The following ESR1 variants were observed in gnomAD, a reference collection of about 807,000 sequenced individuals.
ESR1 encodes estrogen receptor 1, also known as estrogen receptor.
ESR1 carries 12 observed loss-of-function variants against 52.7 expected under a neutral mutation model. That is an observed-to-expected ratio of 0.23 (90% CI 0.15 to 0.37). ESR1 has a LOEUF of 0.37. Ranked by LOEUF, ESR1 falls within the 10% of genes least tolerant of loss-of-function variation. ESR1 has a pLI of 1.00. For synonymous variants in ESR1, 305 were observed against 316.8 expected, an observed-to-expected ratio of 0.96 and a Z score of 0.39; for missense variants, 584 against 779.7, an observed-to-expected ratio of 0.75 and a Z score of 2.99.
chr6:151,677,740 C>T (rs1778300437), intron 1 of ESR1, among the ~76,000 whole-genome samples: 2 of 152,186 alleles, frequency 1.3e-5, no homozygotes, highest in Admixed American at 6.5e-5. Flanking sequence ...ATGAACACGG[C>T]TTTTTTTCCT....
intron 4 of ESR1, among the ~76,000 whole-genome samples, chr6:151,953,710 C>CT (rs1279344218): frequency 2.0e-5 from 3 of 148,762 alleles, no homozygotes; most frequent in African/African-American, 7.5e-5. Context: ...GAGACTCCGT[C>CT]TAAAAAAAAA....
chr6:152,044,616 A>G (rs1363410618), intron 5 of ESR1, among the ~76,000 whole-genome samples: 1 of 152,208 alleles, frequency 6.6e-6, no homozygotes, highest in Admixed American at 6.5e-5. Flanking sequence ...CTGGCAAACC[A>G]CTGGTGTAGG....
At chr6:151,916,868 C>T (rs1210712071) in intron 3 of ESR1, among the ~76,000 whole-genome samples, 1 of 152,202 alleles carries the variant, frequency 6.6e-6, no homozygotes. Context: ...TTTAAGGTGA[C>T]AGAGTTCACA....
At position 152,031,416 on chromosome 6, in the gene ESR1, A is replaced by G. The variant is rs555352941; in HGVS notation, c.1235+19622A>G. 1.6e-4 allele frequency among the ~76,000 whole-genome samples: 25 copies of G among 152,302 alleles called. 1 individual carries two copies. In the South Asian group the frequency reaches 5.2e-3, roughly 32 times the overall value. On this transcript the variant is annotated intron_variant, in intron 5 of 7. Transcript: ENST00000206249. ...GCATGACTAATAAAGAAGAAAAGAG[A>G]GAAGAATCAAATAGATGCAATAAAA...
intron 3 of ESR1, among the ~76,000 whole-genome samples, chr6:151,902,031 T>C (rs1266356286): frequency 6.6e-6 from 1 of 152,232 alleles, no homozygotes; most frequent in Non-Finnish European, 1.5e-5. Flanking sequence ...TTTGAAAATT[T>C]TACATAACAA....
At chr6:151,760,331 A>T (rs1784577371) in intron 2 of ESR1, among the ~76,000 whole-genome samples, 1 of 152,232 alleles carries the variant, frequency 6.6e-6, no homozygotes, top group African/African-American at 2.4e-5. Context: ...AAGGCATTGT[A>T]GTTGGTGGAA....
chr6:151,864,762 A>C (rs1789545977), intron 2 of ESR1, among the ~76,000 whole-genome samples: 2 of 152,182 alleles, frequency 1.3e-5, no homozygotes, highest in Non-Finnish European at 2.9e-5. Context: ...GCAGCCATAA[A>C]AAAGGATGAG....
intron 3 of ESR1, among the ~76,000 whole-genome samples, chr6:151,935,739 A>T (rs375282012): frequency 6.6e-6 from 1 of 152,230 alleles, no homozygotes; most frequent in Non-Finnish European, 1.5e-5. Context: ...ACAGATTTCA[A>T]TATTTTCCAA....
At chr6:151,687,104 A>C (rs1458193293), upstream of ESR1, among the ~76,000 whole-genome samples, 1 of 152,170 alleles carries the variant, frequency 6.6e-6, no homozygotes, top group Non-Finnish European at 1.5e-5. Context: ...CAGAGCTTGA[A>C]TGATTGGTCC....
intron 1 of ESR1, among the ~76,000 whole-genome samples, chr6:151,678,959 A>G (rs1056860888): frequency 1.3e-5 from 2 of 152,180 alleles, no homozygotes; most frequent in African/African-American, 4.8e-5. Flanking sequence ...TGCTGGAATT[A>G]CAGGCATGAG....
chr6:151,772,775 G>T (rs1454572786), intron 2 of ESR1, among the ~76,000 whole-genome samples: 1 of 152,138 alleles, frequency 6.6e-6, no homozygotes, highest in Non-Finnish European at 1.5e-5. Flanking sequence ...AATGCTAAAG[G>T]ACTGCTCCAC....
chr6:151,782,392 A>AT (rs1786630340), intron 2 of ESR1, among the ~76,000 whole-genome samples: 1 of 152,210 alleles, frequency 6.6e-6, no homozygotes, highest in African/African-American at 2.4e-5. Flanking sequence ...TAAGAATAGT[A>AT]TTATAATTCA....
chr6:151,835,652 AC>A (rs1274955925), intron 1 of ESR1, among the ~76,000 whole-genome samples: 2 of 152,210 alleles, frequency 1.3e-5, no homozygotes, highest in African/African-American at 4.8e-5. Flanking sequence ...TGTGTAGGTG[AC>A]AGGAAACAAT....
chr6:151,978,806 A>G (rs2039709999), intron 4 of ESR1, among the ~76,000 whole-genome samples: 1 of 152,220 alleles, frequency 6.6e-6, no homozygotes, highest in African/African-American at 2.4e-5. Context: ...GACATTATCA[A>G]ATAAAAACCA....
At chr6:152,086,012 C>T (rs1381967699) in intron 6 of ESR1, among the ~76,000 whole-genome samples, 1 of 152,170 alleles carries the variant, frequency 6.6e-6, no homozygotes, top group Non-Finnish European at 1.5e-5. Flanking sequence ...TCCAGGGAAA[C>T]AAATGTATCC....
intron 3 of ESR1, among the ~76,000 whole-genome samples, chr6:151,890,986 T>C (rs1326598083): frequency 6.6e-6 from 1 of 152,200 alleles, no homozygotes; most frequent in African/African-American, 2.4e-5. Context: ...TCCTTTGTGA[T>C]TAGGCGATTT....
At chr6:151,989,320 A>G (rs999315204) in intron 4 of ESR1, among the ~76,000 whole-genome samples, 1 of 152,138 alleles carries the variant, frequency 6.6e-6, no homozygotes, top group African/African-American at 2.4e-5. Context: ...ATGATCCAGC[A>G]CAGGTTTAAT....
At chr6:151,930,690 A>G (rs956935506) in intron 3 of ESR1, among the ~76,000 whole-genome samples, 1 of 152,186 alleles carries the variant, frequency 6.6e-6, no homozygotes, top group Non-Finnish European at 1.5e-5. Flanking sequence ...TGCTTGAAGA[A>G]CATCTTTTAA....
intron 2 of ESR1, among the ~76,000 whole-genome samples, chr6:151,850,989 A>G (rs1428735219): frequency 6.6e-6 from 1 of 152,158 alleles, no homozygotes; most frequent in African/African-American, 2.4e-5. Flanking sequence ...ATTAGTGGTC[A>G]TAAAGCAAAT....
Sources: allele counts gnomAD v4.1 joint callset (sites outside exome capture counted in the v4.1 genomes callset), GRCh38; gene constraint gnomAD v4.1.1; transcripts MANE v1.5; gene names NCBI Gene and HGNC (gene_info 2026-07-23, HGNC 2026-07-21).